Variants in MAP3K1 observed in about 807,000 individuals in gnomAD.
MAP3K1 encodes the protein MAP/ERK kinase kinase 1.
MAP3K1 carries 36 observed loss-of-function variants against 144.2 expected under a neutral mutation model. That is an observed-to-expected ratio of 0.25 (90% confidence interval 0.19 to 0.33). The LOEUF (loss-of-function observed/expected upper bound fraction) is 0.33. MAP3K1 is among the 10% of genes least tolerant of loss of function. The probability of loss-of-function intolerance (pLI) is 1.00; values close to 1 mark genes in which losing one functional copy is unlikely to be tolerated. For synonymous variants in MAP3K1, 718 were observed against 688.7 expected (o/e 1.04, Z -0.67); for missense variants, 1,650 against 1,881.9 (o/e 0.88, Z 2.28).
At position 56,895,682 on chromosome 5, in the gene MAP3K1, T is replaced by C. The variant is rs532304934; in HGVS notation, c.*2002T>C. The C allele has an allele frequency of 1.3e-5, 3 of 232,392 alleles. No homozygotes were observed. Among genetic ancestry groups the C allele is most frequent in the East Asian group, 1.2e-4 (2 of 16,440 alleles). 14.4% of individuals were successfully genotyped at this position (232,392 alleles called of 1,614,324 possible). On this transcript the variant is annotated 3_prime_UTR_variant, in exon 20 of 20. Coordinates refer to ENST00000399503, the MANE Select transcript of MAP3K1 (RefSeq NM_005921.2). ...TAATTGTGGTGTTTTGTTTTTTGTTTTGTTTTCAATGCAAATGTGATGTAA... is the reference window on the plus strand; with the variant it reads ...TAATTGTGGTGTTTTGTTTTTTGTTCTGTTTTCAATGCAAATGTGATGTAA...
At chr5:56,816,456 T>C (rs1026674004) in intron 1 of MAP3K1, among the ~76,000 whole-genome samples, 1 of 148,792 alleles carries the variant, frequency 6.7e-6, no homozygotes, top group East Asian at 2.0e-4. Flanking sequence ...GCAAAGGCAC[T>C]GGGGGGCGAG....
In MAP3K1 at chr5:56,865,359, G is replaced by C; in HGVS notation, c.1055G>C (p.Gly352Ala). 1 of 1,608,052 alleles carries C rather than the reference G, an allele frequency of 6.2e-7. No homozygotes were observed. The highest frequency in any genetic ancestry group is 1.3e-5 in the African/African-American group (1 of 74,910). The change falls in exon 5 of 20, where the codon GGA becomes GCA. Residue 352 changes from glycine (G) to alanine (A), a missense_variant. Around this residue, in one of 6 missense-constraint regions of MAP3K1, gnomAD observed 125 missense variants for 179.9 expected, o/e 0.69. Transcript: ENST00000399503. The stretch of plus-strand genomic sequence containing the variant: ...CTTTAGAACTGCAGCTGTGCACGTG[G>C]AACATTCTGTATTCATCTGCTATTT... ...IGPQNCSCAR[G>A]TFCIHLLFVM...
At chr5:56,857,369 T>C (rs1160139804) in intron 2 of MAP3K1, among the ~76,000 whole-genome samples, 1 of 152,142 alleles carries the variant, frequency 6.6e-6, no homozygotes, top group Admixed American at 6.5e-5. Flanking sequence ...TCCTTTGCTA[T>C]AGGTATAAGA....
chr5:56,882,802 C>A lies in MAP3K1; in HGVS notation c.3602C>A (p.Ala1201Asp), dbSNP rs935250084. 5 of 1,611,572 alleles carry A rather than the reference C, an allele frequency of 3.1e-6. No homozygotes were observed. The highest frequency in any genetic ancestry group is 1.7e-5 in the Admixed American group (1 of 59,658). ...IAMAMSASQD[A>D]LPIVPQLQVE... ...ATGGCAATGTCAGCGTCTCAGGATG[C>A]CCTCCCCATAGTTCCTCAGCTGCAG... The change falls in exon 14 of 20, where the codon GCC becomes GAC. Residue 1201 changes from alanine (A) to aspartate (D), a missense_variant. Ala to Asp is a moderately radical substitution (Grantham distance 126, BLOSUM62 -2). This residue lies in a region of MAP3K1 where 841 missense variants were observed against 886.5 expected (regional missense o/e 0.95). Coordinates refer to ENST00000399503, the MANE Select transcript of MAP3K1 (RefSeq NM_005921.2).
intron 1 of MAP3K1, among the ~76,000 whole-genome samples, chr5:56,839,124 G>A (rs1236390931): frequency 6.6e-6 from 1 of 152,208 alleles, no homozygotes; most frequent in Non-Finnish European, 1.5e-5. Flanking sequence ...GCCTACTTCA[G>A]AGTAATCCAT....
In MAP3K1 at chr5:56,882,268, G is replaced by A. The variant is rs374455781; in HGVS notation, c.3068G>A (p.Arg1023His). 125 of 1,613,922 alleles carry A rather than the reference G, an allele frequency of 7.7e-5. No homozygotes were observed. The highest frequency in any genetic ancestry group is 4.0e-4 in the East Asian group (18 of 44,856). ...CCTTCTGCATCTCCTCAAACACAGC[G>A]CAAGTTTTCTCTACAATTCCACAGA... is the stretch of plus-strand genomic sequence containing the variant. ...RIPSASPQTQ[R>H]KFSLQFHRNC... is the part of the protein sequence containing the mutation. The change falls in exon 14 of 20, where the codon CGC (arginine) becomes CAC (histidine). Residue 1023 changes from arginine to histidine, a missense_variant. Physicochemically the swap from Arg to His is conservative, Grantham distance 29 (BLOSUM62 0). Transcript: ENST00000399503.
chr5:56,839,238 T>C lies in MAP3K1; in HGVS notation c.483-17362T>C, dbSNP rs140002141. ...AGTATCCGAATTAAAGGACATCATT[T>C]GAGAATTTCGCATAGTCATTATTTT... is the stretch of plus-strand genomic sequence containing the variant. On this transcript the variant is annotated intron_variant, in intron 1 of 19. Coordinates refer to ENST00000399503, the MANE Select transcript of MAP3K1 (RefSeq NM_005921.2). 6.3e-3 allele frequency among the ~76,000 whole-genome samples: 963 copies of C among 152,336 alleles called. 6 individuals are homozygous for C. The highest frequency in any genetic ancestry group is 0.021 in the African/African-American group (885 of 41,566).
rs1254674571 is a variant in MAP3K1, at chr5:56,815,831, C to T, written c.258C>T (p.Ala86=). The T allele has an allele frequency of 1.4e-6, 2 of 1,414,912 alleles. No individual in the cohort carries two copies. Among genetic ancestry groups the T allele is most frequent in the Non-Finnish European group, 1.9e-6 (2 of 1,080,590 alleles). The allele number at this position is 1,414,912 out of a possible 1,614,324, so 87.6% of individuals were successfully genotyped here. A position where few individuals can be genotyped will look rare whatever the true frequency, so the allele number is the denominator to read the frequency against. ...TCTTCCTTGCCGCCTCACCGCCGGC[C>T]TCCTCGACTTCCCCGTCGCCGGAGC... ...QPLFLAASPP[A]SSTSPSPEPA... Residue 86 remains alanine (A), a synonymous_variant, in exon 1 of 20, where the codon GCC becomes GCT. Coordinates refer to ENST00000399503, the MANE Select transcript of MAP3K1 (RefSeq NM_005921.2).
chr5:56,837,116 A>G (rs1746678540), intron 1 of MAP3K1, among the ~76,000 whole-genome samples: 1 of 150,530 alleles, frequency 6.6e-6, no homozygotes, highest in Non-Finnish European at 1.5e-5. Flanking sequence ...CCCCCCAGAC[A>G]TGCCCATTCA....
In MAP3K1 at chr5:56,895,366, GTT is replaced by G. The variant is rs369894303; in HGVS notation, c.*1700_*1701del. The G allele has an allele frequency of 0.27, 23,312 of 86,444 alleles. 1,155 individuals are homozygous for G. The highest frequency in any genetic ancestry group is 0.49 in the South Asian group (1,478 of 3,006). 5.4% of individuals were successfully genotyped at this position (86,444 alleles called of 1,614,324 possible). On this transcript the variant is annotated 3_prime_UTR_variant, in exon 20 of 20. Transcript: ENST00000399503. ...TGTACTTGACTTTCTTTTTTATTTT[GTT>G]TTTTTTTTTTTTTGACTACTTAGAA...
At chr5:56,886,970 C>G (rs1169700143) in intron 17 of MAP3K1, among the ~76,000 whole-genome samples, 4 of 151,950 alleles carry the variant, frequency 2.6e-5, no homozygotes, top group Non-Finnish European at 5.9e-5. Flanking sequence ...CATGTTGCCC[C>G]CAGGCTGGTC....
At chr5:56,837,984 A>C (rs1746705349) in intron 1 of MAP3K1, among the ~76,000 whole-genome samples, 1 of 152,236 alleles carries the variant, frequency 6.6e-6, no homozygotes, top group African/African-American at 2.4e-5. Flanking sequence ...TACTGACACC[A>C]GGAAATATGC....
Position 56,893,898 on chromosome 5 carries a change from G to A in MAP3K1, c.*218G>A, listed in dbSNP as rs547586518. The A allele has an allele frequency of 5.8e-4, 337 of 578,270 alleles. 3 individuals are homozygous for A. The highest frequency in any genetic ancestry group is 4.4e-3 in the South Asian group (216 of 49,058). 35.8% of individuals were successfully genotyped at this position (578,270 alleles called of 1,614,324 possible). ...AACTAGTGCAGAAACTGTAAACTGT[G>A]CCTTTCAAAGAACTGGCCCTAGGTG... is the stretch of plus-strand genomic sequence containing the variant. On this transcript the variant is annotated 3_prime_UTR_variant, in exon 20 of 20. Transcript: ENST00000399503.
intron 14 of MAP3K1, among the ~76,000 whole-genome samples, 198 bp from the exon 15 acceptor site, chr5:56,883,329 T>G (rs1748284576): frequency 6.6e-6 from 1 of 152,272 alleles, no homozygotes; most frequent in African/African-American, 2.4e-5. Context: ...CAATAATTCT[T>G]GCCTATGGGC....
chr5:56,869,570 A>G (rs141626009), intron 6 of MAP3K1, among the ~76,000 whole-genome samples: 1 of 152,356 alleles, frequency 6.6e-6, no homozygotes, highest in East Asian at 1.9e-4. Context: ...GCATATATAT[A>G]CATAAATGAT....
At position 56,864,847 on chromosome 5, in the gene MAP3K1, G is replaced by C. The variant is rs760026404; in HGVS notation, c.948G>C (p.Leu316=). ...TTAACAAAGTGATGCGGGCCAGACT[G>C]TACTTACTGCAGCAGATAGGGCCTA... ...RRVNKVMRAR[L]YLLQQIGPNS... The change falls in exon 4 of 20, where the codon CTG becomes CTC. Residue 316 remains leucine (L), a synonymous_variant. Transcript: ENST00000399503. 4.3e-6 allele frequency: 7 copies of C among 1,614,094 alleles called. No homozygotes were observed. The highest frequency in any genetic ancestry group is 5.9e-6 in the Non-Finnish European group (7 of 1,179,988).
intron 3 of MAP3K1, among the ~76,000 whole-genome samples, chr5:56,861,811 A>G (rs1747524313): frequency 6.6e-6 from 1 of 152,176 alleles, no homozygotes; most frequent in Non-Finnish European, 1.5e-5. Flanking sequence ...GTGGAAATGC[A>G]TGTTAAGACT....
At chr5:56,819,266 A>G (rs1320047266) in intron 1 of MAP3K1, among the ~76,000 whole-genome samples, 2 of 152,186 alleles carry the variant, frequency 1.3e-5, no homozygotes, top group African/African-American at 4.8e-5. Flanking sequence ...CTAAAACTCC[A>G]TTTTGTTAGA....
At chr5:56,850,397 A>G (rs1170614586) in intron 1 of MAP3K1, among the ~76,000 whole-genome samples, 3 of 152,244 alleles carry the variant, frequency 2.0e-5, no homozygotes, top group Non-Finnish European at 2.9e-5. Context: ...ATTAATTTCC[A>G]GAAAGGTTTT....
Sources: allele counts gnomAD v4.1 joint callset (sites outside exome capture counted in the v4.1 genomes callset), GRCh38; gene constraint gnomAD v4.1.1; regional missense constraint gnomAD v4.1.1; transcripts MANE v1.5; gene names NCBI Gene and HGNC (gene_info 2026-07-23, HGNC 2026-07-21).